The following PAK4 variants were observed in gnomAD, a reference collection of about 807,000 sequenced individuals.
The protein encoded by PAK4 is p21 (RAC1) activated kinase 4.
PAK4 carries 49 observed loss-of-function variants against 53.5 expected under a neutral mutation model. The ratio of observed to expected loss-of-function variants is 0.92; its 90% CI spans 0.73 to 1.16. The LOEUF is 1.16. Among genes scored for constraint, PAK4 ranks in the 50% most tolerant of loss-of-function variants. The pLI, the probability that PAK4 is intolerant of heterozygous loss-of-function variation, is 0.00. For missense variants in PAK4, 824 were observed against 850.7 expected (o/e 0.97, Z 0.39); for synonymous variants, 376 against 375.6 (o/e 1.00, Z -0.01).
intron 1 of PAK4, among the ~76,000 whole-genome samples, chr19:39,166,487 C>T (rs1387267397): frequency 2.6e-5 from 4 of 152,216 alleles, no homozygotes; most frequent in Non-Finnish European, 5.9e-5. Context: ...CTATTATCGC[C>T]GTCTTTGAAC....
At chr19:39,157,833 G>A (rs1412750532) in intron 1 of PAK4, among the ~76,000 whole-genome samples, 1 of 152,196 alleles carries the variant, frequency 6.6e-6, no homozygotes, top group African/African-American at 2.4e-5. Flanking sequence ...AGAATGGCCC[G>A]GGAGCTTTCC....
chr19:39,175,121 T>A lies in PAK4; in HGVS notation c.1232+57T>A. Reference sequence around the variant, plus strand: ...CACGACCAAGTCCCCTCCAGACCACTAGGGGTGGGGCCACATCTCCAAACC... The same window carrying A: ...CACGACCAAGTCCCCTCCAGACCACAAGGGGTGGGGCCACATCTCCAAACC... On this transcript the variant is annotated intron_variant, in intron 5 of 8. Transcript: ENST00000358301. This position sits in a 1 kb window ranked among gnomAD's most constrained non-coding sequence, Gnocchi z 4.7. 1 of 1,554,010 alleles carries A rather than the reference T, an allele frequency of 6.4e-7. No homozygotes were observed. The highest frequency in any genetic ancestry group is 8.7e-7 in the Non-Finnish European group (1 of 1,144,706).
chr19:39,177,939 C>T (rs1326697103), intron 8 of PAK4, 130 bp downstream of exon 9: 1 of 1,080,546 alleles, frequency 9.3e-7, no homozygotes, highest in Non-Finnish European at 1.3e-6. Context: ...TGCTGGGCCC[C>T]CCACCCCCGG....
In PAK4 at chr19:39,173,226, G is replaced by C. The variant is rs1214025078; in HGVS notation, c.513G>C (p.Gln171His). ...CCAGGGAGGGCTCAGGGGGTCCCCA[G>C]GAGTCCTCCCGGGACAAACGCCCCC... is the stretch of plus-strand genomic sequence containing the variant. The change falls in exon 3 of 9, where the codon CAG (glutamine) becomes CAC (histidine). Residue 171 changes from glutamine to histidine, a missense_variant. Around this residue, in one of 2 missense-constraint regions of PAK4, gnomAD observed 478 missense variants for 435.8 expected, o/e 1.10. Transcript: ENST00000358301. The surrounding 1 kb of genome is among the most constrained non-coding windows in gnomAD (Gnocchi z 6.9). 2 of 1,566,332 alleles carry C rather than the reference G, an allele frequency of 1.3e-6. No homozygotes were observed. Among genetic ancestry groups the C allele is most frequent in the South Asian group, 2.3e-5 (2 of 85,486 alleles).
Position 39,161,108 on chromosome 19 carries a change from G to C in PAK4, c.-22-8424G>C, listed in dbSNP as rs183923685. On this transcript the variant is annotated intron_variant, in intron 1 of 8. Coordinates refer to ENST00000358301, the Ensembl canonical transcript of PAK4. This position sits in a 1 kb window ranked among gnomAD's most constrained non-coding sequence, Gnocchi z 4.5. ...CACCCAGCACTGTTTAGAGGGCTCC[G>C]CGTGGCCTGGTCTGTGTGCCTGGCA... Among the ~76,000 whole-genome samples, 6 of 152,206 alleles carry C rather than the reference G, an allele frequency of 3.9e-5. No individual in the cohort carries two copies. Among genetic ancestry groups the C allele is most frequent in the Admixed American group, 1.3e-4 (2 of 15,290 alleles).
chr19:39,167,143 G>A (rs181205561), intron 1 of PAK4, among the ~76,000 whole-genome samples: 6 of 152,350 alleles, frequency 3.9e-5, no homozygotes, highest in African/African-American at 9.6e-5. Flanking sequence ...CCCGCTGTCC[G>A]CCCTCCGGGC....
At chr19:39,136,613 CAT>C (rs74353434) in intron 1 of PAK4, 4,740 of 152,492 alleles carry the variant, frequency 0.031, 94 homozygotes, top group Middle Eastern at 0.067. Context: ...TCCATTATGA[CAT>C]GTGGGTCTGT....
At position 39,175,899 on chromosome 19, in the gene PAK4, A is replaced by C. The variant is rs1392355936; in HGVS notation, c.1359+461A>C. Among the ~76,000 whole-genome samples the C allele has an allele frequency of 6.6e-6, 1 of 152,240 alleles. No homozygotes were observed. The highest frequency in any genetic ancestry group is 1.5e-5 in the Non-Finnish European group (1 of 68,044). On this transcript the variant is annotated intron_variant, in intron 6 of 8. Coordinates refer to ENST00000358301, the Ensembl canonical transcript of PAK4. This position sits in a 1 kb window ranked among gnomAD's most constrained non-coding sequence, Gnocchi z 4.7. ...CCCTTGACTTGAATGAAATGCTTGC[A>C]GAAGTGGATGACTCCATCCCCTCCC...
intron 1 of PAK4, among the ~76,000 whole-genome samples, chr19:39,153,239 C>G (rs11879084): frequency 6.6e-6 from 1 of 152,110 alleles, no homozygotes; most frequent in Non-Finnish European, 1.5e-5. Context: ...CCTCCCTTCC[C>G]CCAGAAGCAT....
chr19:39,160,438 CA>C (rs1475902228), intron 1 of PAK4, among the ~76,000 whole-genome samples: 2 of 152,104 alleles, frequency 1.3e-5, no homozygotes, highest in Non-Finnish European at 2.9e-5. Flanking sequence ...TGTAGGATGC[CA>C]GGGGGTGGTA....
chr19:39,174,995 G>C, exon 5 of PAK4: 1 of 1,613,968 alleles, frequency 6.2e-7, no homozygotes, highest in Non-Finnish European at 8.5e-7. Context: ...TACCTGGTGG[G>C]GGACGAGCTC....
At chr19:39,140,985 C>T (rs2145146180) in intron 1 of PAK4, among the ~76,000 whole-genome samples, 1 of 152,282 alleles carries the variant, frequency 6.6e-6, no homozygotes, top group African/African-American at 2.4e-5. Context: ...AGGCAGGATC[C>T]GTGCTTGGAT....
chr19:39,144,353 T>G (rs2073965762), intron 1 of PAK4, among the ~76,000 whole-genome samples: 1 of 152,142 alleles, frequency 6.6e-6, no homozygotes, highest in Admixed American at 6.5e-5. Flanking sequence ...CTGCCTTCTT[T>G]TGCACCAGGA....
intron 1 of PAK4, among the ~76,000 whole-genome samples, chr19:39,153,208 A>T (rs2074121679): frequency 6.6e-6 from 1 of 151,800 alleles, no homozygotes. Context: ...AGCCTCCCCC[A>T]ACCCCCAAAA....
At chr19:39,176,356 C>T (rs1456257260) in intron 6 of PAK4, 2 of 580,552 alleles carry the variant, frequency 3.4e-6, no homozygotes, top group Non-Finnish European at 6.2e-6. Flanking sequence ...CAGAGGCTGT[C>T]AGGGAGGGAA....
At chr19:39,176,797 G>T (rs568690020) in intron 7 of PAK4, 82 bp downstream of exon 8, 16 of 1,529,830 alleles carry the variant, frequency 1.0e-5, no homozygotes, top group Non-Finnish European at 1.4e-5. Flanking sequence ...CGGGAGATGG[G>T]GCCCAGTCTG....
chr19:39,176,009 C>G (rs1159375655), intron 6 of PAK4, among the ~76,000 whole-genome samples: 2 of 152,186 alleles, frequency 1.3e-5, no homozygotes, highest in African/African-American at 4.8e-5. Flanking sequence ...CTCCAGATGT[C>G]TATAGATGTG....
intron 1 of PAK4, chr19:39,134,975 G>T (rs927035634): frequency 6.6e-5 from 10 of 152,304 alleles, no homozygotes; most frequent in Admixed American, 1.3e-4. Flanking sequence ...ATCTCCTGGG[G>T]TGCCGGTGCC....
intron 1 of PAK4, among the ~76,000 whole-genome samples, chr19:39,134,529 C>T (rs1487328598): frequency 6.7e-6 from 1 of 149,972 alleles, no homozygotes; most frequent in Non-Finnish European, 1.5e-5. Flanking sequence ...TGCTTTCTTT[C>T]GCCCTTAGGC....
Sources: gnomAD v4.1 joint callset for allele counts (sites outside exome capture counted in the v4.1 genomes callset) on GRCh38, gnomAD v4.1.1 for gene constraint, gnomAD v4.1.1 regional missense constraint, Gnocchi (gnomAD v3.1) non-coding constraint, MANE v1.5 for transcripts, NCBI Gene and HGNC (gene_info 2026-07-23, HGNC 2026-07-21) for gene names.